Variants in COL7A1 observed in about 807,000 individuals in gnomAD.
COL7A1 encodes the protein collagen alpha-1(VII) chain.
COL7A1 carries 296 observed loss-of-function variants against 456.2 expected under a neutral mutation model. The observed-to-expected ratio is 0.65, with a 90% CI of 0.59 to 0.71. The LOEUF (loss-of-function observed/expected upper bound fraction) is 0.71, where lower values mean the gene tolerates loss of function less well. COL7A1 is among the 30% of genes least tolerant of loss of function. The probability of loss-of-function intolerance (pLI) is 0.00; values close to 1 mark genes in which losing one functional copy is unlikely to be tolerated. For missense variants in COL7A1, 3,441 were observed against 4,017.2 expected, an observed-to-expected ratio of 0.86 and a Z score of 3.88; for synonymous variants, 1,464 against 1,525.9, an observed-to-expected ratio of 0.96 and a Z score of 0.95.
chr3:48,566,472 A>AAACAGGCCCT lies in COL7A1; in HGVS notation c.8358+37_8358+38insAGGGCCTGTT, dbSNP rs752013287. ...GTAGGGCCCCAGCCCACCCAGGCCC[A>AAACAGGCCCT]CCCAGGCCCTCCCAGGCCCATCCAG... On this transcript the variant is annotated intron_variant, in intron 113 of 118. Transcript: ENST00000681320. The surrounding 1 kb of genome is among the most constrained non-coding windows in gnomAD (Gnocchi z 5.9). 6 of 1,543,312 alleles carry AAACAGGCCCT rather than the reference A, an allele frequency of 3.9e-6. No individual in the cohort carries two copies. In the Admixed American group the frequency reaches 1.0e-4, roughly 26 times the overall value.
rs2044575443 is a variant in COL7A1, at chr3:48,579,526, G to A, written c.5236-11C>T. The A allele has an allele frequency of 8.1e-6, 13 of 1,613,952 alleles. No individual in the cohort carries two copies. Among genetic ancestry groups the A allele is most frequent in the Non-Finnish European group, 1.0e-5 (12 of 1,180,016 alleles). On this transcript the variant is annotated splice_polypyrimidine_tract_variant and intron_variant, in intron 59 of 118. Coordinates refer to ENST00000681320, the MANE Select transcript of COL7A1 (RefSeq NM_000094.4). The surrounding 1 kb of genome is among the most constrained non-coding windows in gnomAD (Gnocchi z 4.4). Reference sequence around the variant, plus strand: ...AAACCCTTCAATGCCCTGAGGATAGGGGAGGAAGAAATCAGAGCAGGCCCT... The same window carrying A: ...AAACCCTTCAATGCCCTGAGGATAGAGGAGGAAGAAATCAGAGCAGGCCCT...
Position 48,571,815 on chromosome 3 carries a change from C to G in COL7A1, c.7068+186G>C. ...GCACACAGAAGCCAAGACAGGGCCC[C>G]CAGAGCTCAGAGTGTGGAAGCCGAC... On this transcript the variant is annotated intron_variant, in intron 92 of 118. Coordinates refer to ENST00000681320, the MANE Select transcript of COL7A1 (RefSeq NM_000094.4). This position sits in a 1 kb window ranked among gnomAD's most constrained non-coding sequence, Gnocchi z 4.6. 1 of 727,968 alleles carries G rather than the reference C, an allele frequency of 1.4e-6. No homozygotes were observed. Among genetic ancestry groups the G allele is most frequent in the Admixed American group, 2.4e-5 (1 of 42,174 alleles). The allele number at this position is 727,968 out of a possible 1,614,324, so 45.1% of individuals were successfully genotyped here.
At position 48,575,781 on chromosome 3, in the gene COL7A1, T is replaced by C. The variant is rs1395745748; in HGVS notation, c.5857-33A>G. 3 of 1,613,812 alleles carry C rather than the reference T, an allele frequency of 1.9e-6. No homozygotes were observed. The South Asian group carries it at 3.3e-5, about 18-fold the overall frequency. ...ACAGCAAGAGGTCAGAGGAGCGGGGTGCGTCGCCGCAGCCCCTATGCCTGT... is the reference window on the plus strand; with the variant it reads ...ACAGCAAGAGGTCAGAGGAGCGGGGCGCGTCGCCGCAGCCCCTATGCCTGT... On this transcript the variant is annotated intron_variant, in intron 72 of 118. Coordinates refer to ENST00000681320, the MANE Select transcript of COL7A1 (RefSeq NM_000094.4). The surrounding 1 kb of genome is among the most constrained non-coding windows in gnomAD (Gnocchi z 6.3).
At chr3:48,576,968 G>C in intron 66 of COL7A1, 24 bp downstream of exon 66, 1 of 1,613,998 alleles carries the variant, frequency 6.2e-7, no homozygotes, top group Non-Finnish European at 8.5e-7. Flanking sequence ...AGAGACCAGA[G>C]AGACCCCAGG....
chr3:48,586,805 C>A lies in COL7A1; in HGVS notation c.3277-116G>T. On this transcript the variant is annotated intron_variant, in intron 25 of 118. Transcript: ENST00000681320. The surrounding 1 kb of genome is among the most constrained non-coding windows in gnomAD (Gnocchi z 5.1). ...GACCAAACCCTATCTATTAGGGAGT[C>A]AGCAGTGATGGCAGGATAGGGAGCC... The A allele has an allele frequency of 1.3e-6, 2 of 1,504,880 alleles. No individual in the cohort carries two copies. The highest frequency in any genetic ancestry group is 1.8e-6 in the Non-Finnish European group (2 of 1,109,742). 93.2% of individuals were successfully genotyped at this position (1,504,880 alleles called of 1,614,324 possible). A position where few individuals can be genotyped will look rare whatever the true frequency, so the allele number is the denominator to read the frequency against.
Position 48,571,524 on chromosome 3 carries a change from G to A in COL7A1, c.7069-246C>T. On this transcript the variant is annotated intron_variant, in intron 92 of 118. Transcript: ENST00000681320. The surrounding 1 kb of genome is among the most constrained non-coding windows in gnomAD (Gnocchi z 4.6). ...GAGTTCAGGCATGGCACAGGCACAG[G>A]GAGCCCACACGCGAGTGCAGACATC... The A allele has an allele frequency of 1.4e-6, 1 of 707,134 alleles. No individual in the cohort carries two copies. The highest frequency in any genetic ancestry group is 2.8e-5 in the East Asian group (1 of 36,322). The allele number at this position is 707,134 out of a possible 1,614,324, so 43.8% of individuals were successfully genotyped here.
Position 48,567,791 on chromosome 3 carries a change from C to G in COL7A1, c.7930-28G>C. ...GCAGGCATCAGGCAGTGGGGTGAGC[C>G]TTAGGCCCCAGGCCACGTAGCCCCC... is the stretch of plus-strand genomic sequence containing the variant. On this transcript the variant is annotated intron_variant, in intron 107 of 118. Coordinates refer to ENST00000681320, the MANE Select transcript of COL7A1 (RefSeq NM_000094.4). The surrounding 1 kb of genome is among the most constrained non-coding windows in gnomAD (Gnocchi z 4.3). 1 of 1,614,162 alleles carries G rather than the reference C, an allele frequency of 6.2e-7. No individual in the cohort carries two copies.
chr3:48,582,910 G>A, intron 44 of COL7A1, 103 bp downstream of exon 44: 2 of 1,530,528 alleles, frequency 1.3e-6, no homozygotes, highest in African/African-American at 2.7e-5. Context: ...GGTCATTGAG[G>A]AGGGGTGAGG....
At position 48,581,694 on chromosome 3, in the gene COL7A1, C is replaced by T. The variant is rs1180555050; in HGVS notation, c.4722+12G>A. 23 of 1,613,988 alleles carry T rather than the reference C, an allele frequency of 1.4e-5. No homozygotes were observed. Among genetic ancestry groups the T allele is most frequent in the African/African-American group, 5.3e-5 (4 of 74,894 alleles). ...TTCACCAACTGCCCCCTAAACACTT[C>T]GCTTCACTTACCCGTTCCCCTTGGA... On this transcript the variant is annotated intron_variant, in intron 49 of 118. Transcript: ENST00000681320. The surrounding 1 kb of genome is among the most constrained non-coding windows in gnomAD (Gnocchi z 5.8).
rs189436388 is a variant in COL7A1, at chr3:48,593,458, G to T, written c.427-9C>A. On this transcript the variant is annotated splice_polypyrimidine_tract_variant and intron_variant, in intron 4 of 118. Transcript: ENST00000681320. The surrounding 1 kb of genome is among the most constrained non-coding windows in gnomAD (Gnocchi z 4.4). Reference sequence around the variant, plus strand: ...GTGATCAGGATGCAGACCTGGGACAGGTGCAGGGGTCAAATCACGGTTCCC... The same window carrying T: ...GTGATCAGGATGCAGACCTGGGACATGTGCAGGGGTCAAATCACGGTTCCC... The T allele has an allele frequency of 1.2e-6, 2 of 1,614,090 alleles. No homozygotes were observed. Among genetic ancestry groups the T allele is most frequent in the Non-Finnish European group, 8.5e-7 (1 of 1,180,024 alleles).
Position 48,587,520 on chromosome 3 carries a change from C to T in COL7A1, c.2892G>A (p.Val964=). ...TCACCGAGTCGATCGAGGTGTCCAC[C>T]ACACGTAGTTCAATGCTTGGAACAC... ...SPRVPSIELR[V]VDTSIDSVTL... Residue 964 remains valine, a synonymous_variant, in exon 23 of 119, where the codon GTG becomes GTA. Transcript: ENST00000681320. The surrounding 1 kb of genome is among the most constrained non-coding windows in gnomAD (Gnocchi z 6.1). The T allele has an allele frequency of 6.2e-7, 1 of 1,613,536 alleles. No homozygotes were observed. Among genetic ancestry groups the T allele is most frequent in the South Asian group, 1.1e-5 (1 of 91,078 alleles).
chr3:48,588,593 A>G lies in COL7A1; in HGVS notation c.2587+49T>C, dbSNP rs368011944. 8.4e-5 allele frequency: 136 copies of G among 1,613,484 alleles called. No homozygotes were observed. In the African/African-American group the frequency reaches 1.6e-3, roughly 19 times the overall value. ...TCCAGAGCACAAGCCCGGATCCCCA[A>G]ACCATCCACACCACCCATCCGAAGC... is the stretch of plus-strand genomic sequence containing the variant. On this transcript the variant is annotated intron_variant, in intron 20 of 118. Coordinates refer to ENST00000681320, the MANE Select transcript of COL7A1 (RefSeq NM_000094.4). This position sits in a 1 kb window ranked among gnomAD's most constrained non-coding sequence, Gnocchi z 4.6.
Position 48,570,465 on chromosome 3 carries a change from C to A in COL7A1, c.7380G>T (p.Lys2460Asn). ...PPGASGLKGD[K>N]GDPGVGLPGP... ...AGTCAGCAGCACTTGTCCCACCTAC[C>A]TTGTCTCCTTTGAGTCCAGAGGCCC... Residue 2460 changes from lysine (K) to asparagine (N), a missense_variant and splice_region_variant, in exon 97 of 119, where the codon AAG (lysine) becomes AAT (asparagine). Lys to Asn is a moderately conservative substitution (Grantham distance 94). Coordinates refer to ENST00000681320, the MANE Select transcript of COL7A1 (RefSeq NM_000094.4). The surrounding 1 kb of genome is among the most constrained non-coding windows in gnomAD (Gnocchi z 5.5). 1 of 1,614,066 alleles carries A rather than the reference C, an allele frequency of 6.2e-7. No individual in the cohort carries two copies. Among genetic ancestry groups the A allele is most frequent in the Non-Finnish European group, 8.5e-7 (1 of 1,179,974 alleles).
At position 48,573,333 on chromosome 3, in the gene COL7A1, T is replaced by C; in HGVS notation, c.6634A>G (p.Thr2212Ala). Residue 2212 changes from threonine (T) to alanine (A), a missense_variant, in exon 84 of 119, where the codon ACA becomes GCA. Around this residue, in one of 3 missense-constraint regions of COL7A1, gnomAD observed 2,084 missense variants for 2,501.3 expected, o/e 0.83. Transcript: ENST00000681320. This position sits in a 1 kb window ranked among gnomAD's most constrained non-coding sequence, Gnocchi z 5.5. ...PSGLKGEPGE[T>A]GPPGRGLTGP... ...CCACTCACCCGTCCTGGAGGTCCTG[T>C]CTCTCCAGGCTCCCCCTGCAAACAA... is the stretch of plus-strand genomic sequence containing the variant. 6.2e-7 allele frequency: 1 copy of C among 1,613,946 alleles called. No homozygotes were observed. Among genetic ancestry groups the C allele is most frequent in the Non-Finnish European group, 8.5e-7 (1 of 1,179,990 alleles).
In COL7A1 at chr3:48,566,730, C is replaced by T. The variant is rs377182638; in HGVS notation, c.8234G>A (p.Arg2745Gln). 35 of 1,613,706 alleles carry T rather than the reference C, an allele frequency of 2.2e-5. No individual in the cohort carries two copies. Among genetic ancestry groups the T allele is most frequent in the South Asian group, 2.1e-4 (19 of 91,074 alleles). ...PEGLQGQKGE[R>Q]GPPGERVVGA... ...CACCACTCTCTCTCCGGGGGGACCTCGCTCACCCTGTCAGACACAGGGACC... is the reference window on the plus strand; with the variant it reads ...CACCACTCTCTCTCCGGGGGGACCTTGCTCACCCTGTCAGACACAGGGACC... Residue 2745 changes from arginine (R) to glutamine (Q), a missense_variant, in exon 112 of 119, where the codon CGA becomes CAA. Arg to Gln is a conservative substitution (Grantham distance 43, BLOSUM62 1). Coordinates refer to ENST00000681320, the MANE Select transcript of COL7A1 (RefSeq NM_000094.4). This position sits in a 1 kb window ranked among gnomAD's most constrained non-coding sequence, Gnocchi z 5.9.
Position 48,574,801 on chromosome 3 carries a change from GC to G in COL7A1, c.6343del (p.Ala2115LeufsTer91), listed in dbSNP as rs2107670113. ...GEQGPPGLKGAKGEPGSNGDQ... is the reference protein window; with the variant it reads ...GEQGPPGLKGXKGEPGSNGDQ... Reference sequence around the variant, plus strand: ...GAGCTGATTCCACACACTGACCTTAGCACCCTTGAGTCCAGGGGGTCCCTGT... The same window carrying G: ...GAGCTGATTCCACACACTGACCTTAGACCCTTGAGTCCAGGGGGTCCCTGT... On this transcript the variant is annotated frameshift_variant, in exon 77 of 119. Coordinates refer to ENST00000681320, the MANE Select transcript of COL7A1 (RefSeq NM_000094.4). LOFTEE classifies it high-confidence loss of function. This position sits in a 1 kb window ranked among gnomAD's most constrained non-coding sequence, Gnocchi z 5.0. 1 of 1,613,974 alleles carries G rather than the reference GC, an allele frequency of 6.2e-7. No homozygotes were observed. Among genetic ancestry groups the G allele is most frequent in the Non-Finnish European group, 8.5e-7 (1 of 1,180,014 alleles).
At chr3:48,577,979 A>G (rs900591923) in intron 65 of COL7A1, among the ~76,000 whole-genome samples, 8 of 152,192 alleles carry the variant, frequency 5.3e-5, no homozygotes, top group Non-Finnish European at 7.3e-5. Context: ...AGCCTGACTA[A>G]CATGGAGAAA....
rs368238566 is a variant in COL7A1, at chr3:48,571,970, A to G, written c.7068+31T>C. 24 of 1,608,866 alleles carry G rather than the reference A, an allele frequency of 1.5e-5. No individual in the cohort carries two copies. Among genetic ancestry groups the G allele is most frequent in the Non-Finnish European group, 2.0e-5 (23 of 1,178,038 alleles). On this transcript the variant is annotated intron_variant, in intron 92 of 118. Coordinates refer to ENST00000681320, the MANE Select transcript of COL7A1 (RefSeq NM_000094.4). The surrounding 1 kb of genome is among the most constrained non-coding windows in gnomAD (Gnocchi z 4.6). ...TGCCCGCCATCACACTCCTCAGGCC[A>G]GGCTCGCCCTTGCCTAGGCCCCGGA...
Position 48,577,033 on chromosome 3 carries a change from G to A in COL7A1, c.5533-6C>T. On this transcript the variant is annotated splice_region_variant and splice_polypyrimidine_tract_variant and intron_variant, in intron 65 of 118. Coordinates refer to ENST00000681320, the MANE Select transcript of COL7A1 (RefSeq NM_000094.4). ...CCAGGGTCCCCAGGTTCTCCCTGTG[G>A]GCAGAGGACTCACATCAGCCCAAAC... 1 of 1,613,900 alleles carries A rather than the reference G, an allele frequency of 6.2e-7. No individual in the cohort carries two copies. The highest frequency in any genetic ancestry group is 8.5e-7 in the Non-Finnish European group (1 of 1,180,034).
Sources: allele counts gnomAD v4.1 joint callset (sites outside exome capture counted in the v4.1 genomes callset), GRCh38; gene constraint gnomAD v4.1.1; regional missense constraint gnomAD v4.1.1; non-coding constraint Gnocchi (gnomAD v3.1); transcripts MANE v1.5; gene names NCBI Gene and HGNC (gene_info 2026-07-23, HGNC 2026-07-21).